MROH9: variants seen among roughly 807,000 people sequenced by gnomAD.
MROH9 encodes the protein maestro heat like repeat family member 9.
In MROH9, 92 loss-of-function variants were observed where a neutral mutation model predicts 98.2. The ratio of observed to expected loss-of-function variants is 0.94; its 90% CI spans 0.79 to 1.11. The LOEUF (loss-of-function observed/expected upper bound fraction) is 1.11. Among genes scored for constraint, MROH9 ranks in the 50% most tolerant of loss-of-function variants. The probability of loss-of-function intolerance (pLI) is 0.00; values close to 1 mark genes in which losing one functional copy is unlikely to be tolerated. For synonymous variants in MROH9, 397 were observed against 368.9 expected (o/e 1.08, Z -0.87); for missense variants, 1,057 against 1,014.8 (o/e 1.04, Z -0.57).
chr1:171,016,013 G>C, intron 16 of MROH9, 150 bp from the exon 17 acceptor site: 1 of 418,144 alleles, frequency 2.4e-6, no homozygotes, highest in Admixed American at 4.4e-5. Context: ...TTAGCAAAAA[G>C]TCAACATTTT....
In MROH9 at chr1:171,014,307, T is replaced by C. The variant is rs190326537; in HGVS notation, c.1734+53T>C. 4.6e-5 allele frequency: 69 copies of C among 1,494,598 alleles called. 1 individual carries two copies. Among genetic ancestry groups the C allele is most frequent in the South Asian group, 3.6e-4 (29 of 80,404 alleles). 92.6% of individuals were successfully genotyped at this position (1,494,598 alleles called of 1,614,324 possible). ...GCATCATCTAAATCATAATCTGAGA[T>C]TTTGATGTCACTTAACATCTTCACT... is the stretch of plus-strand genomic sequence containing the variant. On this transcript the variant is annotated intron_variant, in intron 16 of 21. Coordinates refer to ENST00000367759, the MANE Select transcript of MROH9 (RefSeq NM_001163629.2).
intron 20 of MROH9, among the ~76,000 whole-genome samples, chr1:171,051,582 C>G (rs1429156426): frequency 6.6e-6 from 1 of 152,008 alleles, no homozygotes; most frequent in Non-Finnish European, 1.5e-5. Flanking sequence ...AAACTGGGGC[C>G]TGGCAGAGAG....
Position 170,965,352 on chromosome 1 carries a change from C to T in MROH9, c.480+97C>T, listed in dbSNP as rs916270047. 5.6e-5 allele frequency: 44 copies of T among 790,720 alleles called. 1 individual carries two copies. The highest frequency in any genetic ancestry group is 1.7e-5 in the African/African-American group (1 of 58,328). The allele number at this position is 790,720 out of a possible 1,614,324, so 49.0% of individuals were successfully genotyped here. On this transcript the variant is annotated intron_variant, in intron 7 of 21. Coordinates refer to ENST00000367759, the MANE Select transcript of MROH9 (RefSeq NM_001163629.2). ...TGGGTCCTAACAGTACTTGACAGGT[C>T]CTTGGTATTATTGTACTGGTAGGTT...
Position 170,971,627 on chromosome 1 carries a change from T to C in MROH9, c.481-121T>C, listed in dbSNP as rs946714441. The C allele has an allele frequency of 2.6e-6, 3 of 1,137,976 alleles. No individual in the cohort carries two copies. In the African/African-American group the frequency reaches 4.7e-5, roughly 18 times the overall value. 70.5% of individuals were successfully genotyped at this position (1,137,976 alleles called of 1,614,324 possible). A position where few individuals can be genotyped will look rare whatever the true frequency, so the allele number is the denominator to read the frequency against. ...CGGGGCCAGGATTTGATTACAGATATTGTAAACTCTGAAGCTTATCTTAGA... is the reference window on the plus strand; with the variant it reads ...CGGGGCCAGGATTTGATTACAGATACTGTAAACTCTGAAGCTTATCTTAGA... On this transcript the variant is annotated intron_variant, in intron 7 of 21. Transcript: ENST00000367759.
chr1:171,015,805 A>G (rs1007461734), intron 16 of MROH9, among the ~76,000 whole-genome samples: 1 of 152,208 alleles, frequency 6.6e-6, no homozygotes, highest in Non-Finnish European at 1.5e-5. Flanking sequence ...ATCACTAACC[A>G]TGGAACTGGG....
chr1:171,026,109 C>T (rs550934930), intron 20 of MROH9, among the ~76,000 whole-genome samples: 2 of 152,026 alleles, frequency 1.3e-5, no homozygotes, highest in South Asian at 2.1e-4. Context: ...AGGAGGCTCT[C>T]GGTCAGGGTA....
intron 4 of MROH9, 143 bp downstream of exon 4, chr1:170,958,683 ACT>A (rs145815221): frequency 1.5e-4 from 81 of 539,838 alleles, no homozygotes; most frequent in African/African-American, 1.3e-3. Flanking sequence ...TCTTTCTTAT[ACT>A]CTTTCCCAGT....
chr1:170,992,471 T>C (rs751496465), intron 12 of MROH9, 142 bp downstream of exon 12: 3 of 855,982 alleles, frequency 3.5e-6, no homozygotes, highest in Non-Finnish European at 5.3e-6. Context: ...ATTTATTGAG[T>C]GTCTATTATT....
At position 170,986,636 on chromosome 1, in the gene MROH9, G is replaced by A; in HGVS notation, c.805G>A (p.Asp269Asn). 1 of 1,613,864 alleles carries A rather than the reference G, an allele frequency of 6.2e-7. No individual in the cohort carries two copies. The highest frequency in any genetic ancestry group is 1.1e-5 in the South Asian group (1 of 91,066). Residue 269 changes from aspartate (D) to asparagine (N), a missense_variant, in exon 10 of 22, where the codon GAT (aspartate) becomes AAT (asparagine). Asp to Asn is a conservative substitution (Grantham distance 23). Transcript: ENST00000367759. ...TCTCCTGATGAAACTCTCTTCACCT[G>A]ATGATAAAATCGCATCTGATGCAGC... is the stretch of plus-strand genomic sequence containing the variant. ...QSLLMKLSSP[D>N]DKIASDAASI... is the part of the protein sequence containing the mutation.
intron 20 of MROH9, among the ~76,000 whole-genome samples, chr1:171,044,740 T>G (rs1653408310): frequency 6.6e-6 from 1 of 152,048 alleles, no homozygotes; most frequent in Non-Finnish European, 1.5e-5. Context: ...ATTTTCCAAT[T>G]TATTGGCCTA....
At chr1:170,947,811 T>C (rs1649391738) in intron 3 of MROH9, among the ~76,000 whole-genome samples, 1 of 151,942 alleles carries the variant, frequency 6.6e-6, no homozygotes, top group Non-Finnish European at 1.5e-5. Context: ...TTTAAAAGGA[T>C]GAAACTTTTT....
intron 8 of MROH9, among the ~76,000 whole-genome samples, chr1:170,978,175 T>C (rs945184504): frequency 6.6e-6 from 1 of 152,074 alleles, no homozygotes; most frequent in Non-Finnish European, 1.5e-5. Flanking sequence ...GCTAAATTGC[T>C]GGTATGAGCT....
At chr1:170,968,776 A>T (rs935895044) in intron 7 of MROH9, among the ~76,000 whole-genome samples, 5 of 152,090 alleles carry the variant, frequency 3.3e-5, no homozygotes, top group Admixed American at 3.3e-4. Flanking sequence ...AAATAATTTT[A>T]AAAATAAAAT....
At chr1:170,936,361 A>C (rs1648882599) in intron 1 of MROH9, among the ~76,000 whole-genome samples, 1 of 152,144 alleles carries the variant, frequency 6.6e-6, no homozygotes, top group African/African-American at 2.4e-5. Flanking sequence ...AGGGCAGCAG[A>C]TTTGTGTCCC....
intron 17 of MROH9, among the ~76,000 whole-genome samples, chr1:171,019,637 C>T (rs550865072): frequency 9.3e-5 from 14 of 150,454 alleles, no homozygotes; most frequent in Admixed American, 4.0e-4. Flanking sequence ...GGCGACAGAA[C>T]GAGACTCCAT....
chr1:171,048,860 G>A (rs1224754337), intron 20 of MROH9, among the ~76,000 whole-genome samples: 2 of 152,114 alleles, frequency 1.3e-5, no homozygotes, highest in African/African-American at 4.8e-5. Flanking sequence ...TCAGTTATCA[G>A]GTAATGAATG....
intron 21 of MROH9, 57 bp from the exon 22 acceptor site, chr1:171,064,042 G>T (rs995909356): frequency 2.5e-5 from 37 of 1,485,080 alleles, no homozygotes; most frequent in Non-Finnish European, 3.0e-5. Flanking sequence ...TAGTATTAAA[G>T]CTTCATGGCC....
At chr1:171,051,040 T>A (rs1350763758) in intron 20 of MROH9, among the ~76,000 whole-genome samples, 1 of 152,236 alleles carries the variant, frequency 6.6e-6, no homozygotes, top group East Asian at 1.9e-4. Context: ...TTTCATGTTC[T>A]GTTGGATTTG....
chr1:170,957,486 A>T (rs1649810517), intron 3 of MROH9, among the ~76,000 whole-genome samples: 1 of 152,136 alleles, frequency 6.6e-6, no homozygotes, highest in African/African-American at 2.4e-5. Context: ...ACCATATATT[A>T]ATAGATTTAT....
Sources: gnomAD v4.1 joint callset for allele counts (sites outside exome capture counted in the v4.1 genomes callset) on GRCh38, gnomAD v4.1.1 for gene constraint, MANE v1.5 for transcripts, NCBI Gene and HGNC (gene_info 2026-07-23, HGNC 2026-07-21) for gene names.